The following ADCY7 variants were observed in gnomAD, a reference collection of about 807,000 sequenced individuals.
ADCY7 encodes the protein adenylate cyclase 7.
Under a neutral mutation model 120.6 loss-of-function variants are expected in ADCY7, and 72 were observed. The ratio of observed to expected loss-of-function variants is 0.60; its 90% CI spans 0.49 to 0.73. ADCY7 has a LOEUF of 0.73. Among genes scored for constraint, ADCY7 ranks in the 30% least tolerant of loss-of-function variants. The pLI, the probability that ADCY7 is intolerant of heterozygous loss-of-function variation, is 0.00. For missense variants in ADCY7, 1,227 were observed against 1,486.0 expected (o/e 0.83, Z 2.87); for synonymous variants, 661 against 628.0 (o/e 1.05, Z -0.78).
intron 5 of ADCY7, among the ~76,000 whole-genome samples, chr16:50,293,147 C>T (rs1228738087): frequency 6.6e-6 from 1 of 152,166 alleles, no homozygotes; most frequent in Non-Finnish European, 1.5e-5. Flanking sequence ...GTCCCGGGGG[C>T]TGCTGGGTAC....
Position 50,314,042 on chromosome 16 carries a change from G to A in ADCY7, c.2836G>A (p.Ala946Thr), listed in dbSNP as rs139215312. 1.3e-5 allele frequency: 21 copies of A among 1,613,928 alleles called. No homozygotes were observed. Among genetic ancestry groups the A allele is most frequent in the East Asian group, 8.9e-5 (4 of 44,888 alleles). The change falls in exon 23 of 26, where the codon GCC (alanine) becomes ACC (threonine). Residue 946 changes from alanine (A) to threonine (T), a missense_variant. Transcript: ENST00000673801. ...TYMAAAGLSVASGHENQELER... is the reference protein window; with the variant it reads ...TYMAAAGLSVTSGHENQELER... ...CATGGCAGCTGCAGGGCTCAGCGTC[G>A]CCTCAGGGCACGAGAACCAGGTACT...
Position 50,308,779 on chromosome 16 carries a change from C to A in ADCY7, c.2048C>A (p.Ala683Asp). ...VLTIGSLLTV[A>D]IINLPLMPFQ... ...ACCATCGGCAGCCTGCTCACTGTGG[C>A]CATCATCAACCTGGTGGGTCCCGTG... Residue 683 changes from alanine to aspartate, a missense_variant, in exon 17 of 26, where the codon GCC becomes GAC. By Grantham distance (126) the Ala-to-Asp change is moderately radical (BLOSUM62 -2). Around this residue, in one of 5 missense-constraint regions of ADCY7, gnomAD observed 267 missense variants for 270.0 expected, o/e 0.99. Transcript: ENST00000673801. 1 of 1,610,044 alleles carries A rather than the reference C, an allele frequency of 6.2e-7. No individual in the cohort carries two copies. Among genetic ancestry groups the A allele is most frequent in the Non-Finnish European group, 8.5e-7 (1 of 1,178,904 alleles).
rs1313155293 is a variant in ADCY7, at chr16:50,304,434, A to T, written c.1443A>T (p.Ser481=). ...KGDAALKMRA[S]VRMTRYLESW... The stretch of plus-strand genomic sequence containing the variant: ...ACGCGGCCCTGAAGATGCGGGCGTC[A>T]GTGCGCATGACCCGGTACCTCGAGT... The change falls in exon 11 of 26, where the codon TCA becomes TCT. Residue 481 remains serine, a synonymous_variant. Transcript: ENST00000673801. 1 of 1,606,364 alleles carries T rather than the reference A, an allele frequency of 6.2e-7. No individual in the cohort carries two copies. Among genetic ancestry groups the T allele is most frequent in the South Asian group, 1.1e-5 (1 of 90,514 alleles).
rs926548887 is a variant in ADCY7, at chr16:50,297,106, A to G, written c.949-1798A>G. On this transcript the variant is annotated intron_variant, in intron 7 of 25. Coordinates refer to ENST00000673801, the MANE Select transcript of ADCY7 (RefSeq NM_001114.5). This position sits in a 1 kb window ranked among gnomAD's most constrained non-coding sequence, Gnocchi z 4.4. ...CAGCAGGCCCAGGAGGCGTGGCCCT[A>G]TTGCACAGATGGGGAAAGGGAGGCC... 1.3e-5 allele frequency among the ~76,000 whole-genome samples: 2 copies of G among 152,198 alleles called. No homozygotes were observed. The highest frequency in any genetic ancestry group is 2.4e-5 in the African/African-American group (1 of 41,450).
chr16:50,267,519 A>C (rs953436162), intron 1 of ADCY7, among the ~76,000 whole-genome samples: 1 of 152,042 alleles, frequency 6.6e-6, no homozygotes, highest in Non-Finnish European at 1.5e-5. Context: ...ACGGGCAGCC[A>C]GTGTGGGCTG....
At chr16:50,281,467 C>T (rs1006265883) in intron 1 of ADCY7, among the ~76,000 whole-genome samples, 3 of 152,144 alleles carry the variant, frequency 2.0e-5, no homozygotes, top group South Asian at 4.1e-4. Context: ...TTGGCTGTGG[C>T]GCCCTCCTCC....
chr16:50,313,002 G>A lies in ADCY7; in HGVS notation c.2717G>A (p.Arg906His), dbSNP rs1212857941. The A allele has an allele frequency of 3.1e-6, 5 of 1,614,214 alleles. No individual in the cohort carries two copies. Among genetic ancestry groups the A allele is most frequent in the Middle Eastern group, 1.6e-4 (1 of 6,062 alleles). Residue 906 changes from arginine to histidine, a missense_variant, in exon 22 of 26, where the codon CGC becomes CAC. Around this residue, in one of 5 missense-constraint regions of ADCY7, gnomAD observed 244 missense variants for 332.8 expected, o/e 0.73. Coordinates refer to ENST00000673801, the MANE Select transcript of ADCY7 (RefSeq NM_001114.5). ...AACAAAGAAGGGCTGGAGTGCCTAC[G>A]CCTGCTCAATGAGATCATTGCCGAC... The part of the protein sequence containing the change: ...DVNKEGLECL[R>H]LLNEIIADFD...
chr16:50,292,510 T>C, intron 4 of ADCY7, 166 bp from the exon 5 acceptor site: 1 of 798,106 alleles, frequency 1.3e-6, no homozygotes, highest in South Asian at 1.8e-5. Flanking sequence ...GACTAGCTCC[T>C]GTCTGGGCCT....
At chr16:50,312,839 C>CCT (rs2151095408) in intron 21 of ADCY7, 51 bp from the exon 22 acceptor site, 1 of 1,603,704 alleles carries the variant, frequency 6.2e-7, no homozygotes, top group Non-Finnish European at 8.5e-7. Flanking sequence ...GCCACTCTTC[C>CCT]TGTCCCCTCA....
chr16:50,246,281 C>A (rs543078002), intron 1 of ADCY7: 1 of 151,256 alleles, frequency 6.6e-6, no homozygotes, highest in East Asian at 1.9e-4. Context: ...GGCCGCTGCC[C>A]CTCTCCGCGC....
chr16:50,292,695 TC>T lies in ADCY7; in HGVS notation c.558del (p.Phe187SerfsTer6). On this transcript the variant is annotated frameshift_variant, in exon 5 of 26. Coordinates refer to ENST00000673801, the MANE Select transcript of ADCY7 (RefSeq NM_001114.5). LOFTEE classifies it high-confidence loss of function. ...CCGCAGCTGCTGGCCAACGCAGTCA[TC>T]TTCCTGTGTGGGAACCTGACAGGCG... The part of the protein sequence containing the change: ...VGLQLLANAV[I>X]FLCGNLTGAF... 1 of 1,613,860 alleles carries T rather than the reference TC, an allele frequency of 6.2e-7. No homozygotes were observed. Among genetic ancestry groups the T allele is most frequent in the African/African-American group, 1.3e-5 (1 of 75,042 alleles).
intron 5 of ADCY7, 63 bp downstream of exon 5, chr16:50,292,888 A>C (rs1454661542): frequency 1.3e-6 from 2 of 1,574,912 alleles, no homozygotes; most frequent in East Asian, 4.5e-5. Context: ...TCTGTTGGAC[A>C]TGAGACACTC....
intron 2 of ADCY7, 135 bp from the exon 3 acceptor site, chr16:50,290,322 A>G: frequency 1.1e-6 from 1 of 896,078 alleles, no homozygotes; most frequent in Non-Finnish European, 1.7e-6. Context: ...AGTGGGAACC[A>G]GGTGTGGGAG....
intron 10 of ADCY7, 139 bp downstream of exon 10, chr16:50,301,353 C>G: frequency 8.4e-7 from 1 of 1,196,050 alleles, no homozygotes; most frequent in Non-Finnish European, 1.1e-6. Flanking sequence ...GGAGTGAGCT[C>G]CCTGTTCCCA....
At chr16:50,290,184 G>A (rs1468255915) in intron 2 of ADCY7, among the ~76,000 whole-genome samples, 2 of 152,250 alleles carry the variant, frequency 1.3e-5, no homozygotes, top group Non-Finnish European at 2.9e-5. Context: ...GGAACCCAGA[G>A]AGGAGGCAGA....
At chr16:50,294,481 G>T (rs1008181946) in intron 6 of ADCY7, among the ~76,000 whole-genome samples, 159 bp from the exon 7 acceptor site, 4 of 152,178 alleles carry the variant, frequency 2.6e-5, no homozygotes, top group Non-Finnish European at 2.9e-5. Flanking sequence ...CTCTATGGCT[G>T]GGCGCGACTC....
rs769580875 is a variant in ADCY7 at position 50,305,508 on chromosome 16, T to C, written c.1601T>C (p.Met534Thr). The C allele has an allele frequency of 1.2e-6, 2 of 1,612,876 alleles. No homozygotes were observed. The highest frequency in any genetic ancestry group is 2.7e-5 in the African/African-American group (2 of 74,924). ...TTGTGGGTATCTGATTCCAGAAGCA[T>C]GTCCCCCAAGGGGCGGTCGGAGGAT... ...QRHRRTPDRS[M>T]SPKGRSEDDS... Residue 534 changes from methionine (M) to threonine (T), a missense_variant, in exon 13 of 26, where the codon ATG becomes ACG. Met to Thr is a moderately conservative substitution (Grantham distance 81). Coordinates refer to ENST00000673801, the MANE Select transcript of ADCY7 (RefSeq NM_001114.5).
rs577232684 is a variant in ADCY7 at position 50,252,463 on chromosome 16, C to T, written c.-64+6260C>T. 1.2e-4 allele frequency among the ~76,000 whole-genome samples: 18 copies of T among 151,388 alleles called. 1 individual carries two copies. Among genetic ancestry groups the T allele is most frequent in the East Asian group, 3.9e-4 (2 of 5,162 alleles). On this transcript the variant is annotated intron_variant, in intron 1 of 4. Transcript: ENST00000564044. Reference sequence around the variant, plus strand: ...GGTAGGCATTGTTTGTGTGCCTGGGCAGGCATTGTTTGTGTGCCTGGGTAG... The same window carrying T: ...GGTAGGCATTGTTTGTGTGCCTGGGTAGGCATTGTTTGTGTGCCTGGGTAG...
chr16:50,282,539 A>C (rs1169613141), intron 1 of ADCY7, among the ~76,000 whole-genome samples: 2 of 152,130 alleles, frequency 1.3e-5, no homozygotes, highest in African/African-American at 4.8e-5. Context: ...TGCTCCTGCA[A>C]GGCAGAGGGA....
Sources: gnomAD v4.1 joint callset for allele counts (sites outside exome capture counted in the v4.1 genomes callset) on GRCh38, gnomAD v4.1.1 for gene constraint, gnomAD v4.1.1 regional missense constraint, Gnocchi (gnomAD v3.1) non-coding constraint, MANE v1.5 for transcripts, NCBI Gene and HGNC (gene_info 2026-07-23, HGNC 2026-07-21) for gene names.